CSMD1: variants seen among roughly 807,000 people sequenced by gnomAD.
The protein encoded by CSMD1 is CUB and Sushi multiple domains 1, also known as CUB and sushi domain-containing protein 1.
A neutral mutation model predicts 417.5 loss-of-function variants in CSMD1; 213 were observed. The observed-to-expected ratio is 0.51, with a 90% CI of 0.46 to 0.57. CSMD1 has a LOEUF of 0.57. Ranked by LOEUF, CSMD1 falls within the 20% of genes least tolerant of loss-of-function variation. The pLI, the probability that CSMD1 is intolerant of heterozygous loss-of-function variation, is 0.00. For synonymous variants in CSMD1, 2,862 were observed against 1,736.8 expected, an observed-to-expected ratio of 1.65 and a Z score of -16.11; for missense variants, 6,923 against 4,529.7, an observed-to-expected ratio of 1.53 and a Z score of -15.17.
At position 4,684,883 on chromosome 8, in the gene CSMD1, C is replaced by CA. The variant is rs559292168; in HGVS notation, c.86-47326dup. 1.3e-3 allele frequency among the ~76,000 whole-genome samples: 193 copies of CA among 152,264 alleles called. 2 individuals are homozygous for CA. The highest frequency in any genetic ancestry group is 4.3e-3 in the African/African-American group (180 of 41,550). On this transcript the variant is annotated intron_variant, in intron 1 of 69. Coordinates refer to ENST00000635120, the MANE Select transcript of CSMD1 (RefSeq NM_033225.6). The stretch of plus-strand genomic sequence containing the variant: ...TGCTACTCTTTCTTCTTCTACTAAT[C>CA]AATCACTTACTCAACAAAACTGTAA...
At chr8:4,673,537 T>C (rs1271069780) in intron 1 of CSMD1, among the ~76,000 whole-genome samples, 1 of 152,166 alleles carries the variant, frequency 6.6e-6, no homozygotes, top group Non-Finnish European at 1.5e-5. Context: ...AGCTCTCAGT[T>C]AGTTCCCCTT....
At chr8:4,142,435 C>G (rs117996621) in intron 3 of CSMD1, among the ~76,000 whole-genome samples, 45,269 of 150,816 alleles carry the variant, frequency 0.3, 8,438 homozygotes, top group Non-Finnish European at 0.39. Context: ...CATAACAGAA[C>G]TAGTTTCCCT....
At chr8:4,313,418 G>A (rs1239110335) in intron 3 of CSMD1, among the ~76,000 whole-genome samples, 1 of 151,072 alleles carries the variant, frequency 6.6e-6, no homozygotes, top group Non-Finnish European at 1.5e-5. Context: ...GAAGATGCCT[G>A]ACGGGACCCC....
chr8:4,353,353 C>A (rs928078082), intron 3 of CSMD1, among the ~76,000 whole-genome samples: 2 of 152,120 alleles, frequency 1.3e-5, no homozygotes, highest in African/African-American at 2.4e-5. Flanking sequence ...CCTCCTTTGC[C>A]TTCCACCATG....
chr8:4,909,683 T>C (rs993953564), intron 1 of CSMD1, among the ~76,000 whole-genome samples: 1 of 152,150 alleles, frequency 6.6e-6, no homozygotes, highest in Non-Finnish European at 1.5e-5. Context: ...CCGGATTTTC[T>C]CCTTCTCACA....
At chr8:4,875,414 A>AG (rs1802986373) in intron 1 of CSMD1, among the ~76,000 whole-genome samples, 1 of 152,058 alleles carries the variant, frequency 6.6e-6, no homozygotes, top group African/African-American at 2.4e-5. Context: ...ATTGTTAAAC[A>AG]GGGGAGGGAG....
intron 1 of CSMD1, among the ~76,000 whole-genome samples, chr8:4,789,609 C>G (rs971804922): frequency 2.6e-5 from 4 of 152,100 alleles, no homozygotes; most frequent in African/African-American, 7.2e-5. Context: ...TTTTCTCACT[C>G]CAGTGTGGGG....
At chr8:3,425,413 C>A (rs1813773563) in intron 12 of CSMD1, among the ~76,000 whole-genome samples, 4 of 151,912 alleles carry the variant, frequency 2.6e-5, no homozygotes, top group South Asian at 4.2e-4. Context: ...CATGGTGAAA[C>A]CCTGTCTCTA....
At chr8:3,475,880 G>A (rs1180032430) in intron 11 of CSMD1, among the ~76,000 whole-genome samples, 1 of 152,208 alleles carries the variant, frequency 6.6e-6, no homozygotes, top group Non-Finnish European at 1.5e-5. Context: ...CAATGCAAAT[G>A]TGTCAGTGTT....
chr8:4,370,280 C>A (rs1802322605), intron 3 of CSMD1, among the ~76,000 whole-genome samples: 1 of 151,922 alleles, frequency 6.6e-6, no homozygotes, highest in African/African-American at 2.4e-5. Flanking sequence ...CAGTCTTTCC[C>A]AGTTTGTAAG....
intron 2 of CSMD1, among the ~76,000 whole-genome samples, chr8:4,429,683 A>C (rs1052268887): frequency 6.6e-6 from 1 of 152,100 alleles, no homozygotes; most frequent in African/African-American, 2.4e-5. Flanking sequence ...GATGGACCCC[A>C]ATACCCCAAA....
intron 3 of CSMD1, among the ~76,000 whole-genome samples, chr8:4,361,726 T>C (rs759358336): frequency 6.6e-6 from 1 of 152,100 alleles, no homozygotes; most frequent in Non-Finnish European, 1.5e-5. Flanking sequence ...GAGGCCGAAG[T>C]GGGCGGATCA....
intron 1 of CSMD1, among the ~76,000 whole-genome samples, chr8:4,650,048 G>C (rs559166753): frequency 1.3e-5 from 2 of 152,260 alleles, no homozygotes; most frequent in South Asian, 2.1e-4. Context: ...ACAGCTTTAC[G>C]TGTGAATATG....
chr8:4,440,093 T>C (rs1798381100), intron 2 of CSMD1, among the ~76,000 whole-genome samples: 1 of 152,154 alleles, frequency 6.6e-6, no homozygotes, highest in Non-Finnish European at 1.5e-5. Flanking sequence ...TGTGTTAGGA[T>C]ATTGGAAAAG....
At chr8:4,796,355 G>C (rs896275379) in intron 1 of CSMD1, among the ~76,000 whole-genome samples, 7 of 152,090 alleles carry the variant, frequency 4.6e-5, no homozygotes, top group African/African-American at 1.7e-4. Flanking sequence ...TCCTCAGCCA[G>C]ACCCAGCTTT....
chr8:4,009,877 A>C (rs1183294061), intron 4 of CSMD1, among the ~76,000 whole-genome samples: 1 of 151,978 alleles, frequency 6.6e-6, no homozygotes, highest in Admixed American at 6.6e-5. Context: ...ACTCTCGTAC[A>C]TCCTTTGTCT....
At chr8:3,520,039 T>TATATATATATATATATATACAC (rs545212684) in intron 10 of CSMD1, among the ~76,000 whole-genome samples, 1 of 147,110 alleles carries the variant, frequency 6.8e-6, no homozygotes, top group African/African-American at 2.6e-5. Flanking sequence ...TATATATATA[T>TATATATATATATATATATACAC]ACACGTATAG....
At chr8:4,678,869 C>G (rs74656441) in intron 1 of CSMD1, among the ~76,000 whole-genome samples, 1,689 of 152,288 alleles carry the variant, frequency 0.011, 37 homozygotes, top group African/African-American at 0.037. Context: ...AACTGAAATT[C>G]TGTCATTGTA....
rs1305574325 is a variant in CSMD1 at position 3,287,365 on chromosome 8, G to C, written c.3951-3019C>G. 3.3e-5 allele frequency among the ~76,000 whole-genome samples: 5 copies of C among 152,066 alleles called. No homozygotes were observed. The East Asian group carries it at 9.6e-4, about 29-fold the overall frequency. On this transcript the variant is annotated intron_variant, in intron 25 of 69. Transcript: ENST00000635120. ...AAGTCATTGGTAACTTGAAGGGGAT[G>C]GCATTGAATCTATAAATTACCTTGG...
Sources: allele counts gnomAD v4.1 joint callset (sites outside exome capture counted in the v4.1 genomes callset), GRCh38; gene constraint gnomAD v4.1.1; transcripts MANE v1.5; gene names NCBI Gene and HGNC (gene_info 2026-07-23, HGNC 2026-07-21).